The following DPF3 variants were observed in gnomAD, a reference collection of about 807,000 sequenced individuals.
DPF3 encodes zinc finger protein DPF3.
In DPF3, 18 loss-of-function variants were observed where a neutral mutation model predicts 56.8. That is an observed-to-expected ratio of 0.32 (90% CI 0.22 to 0.47). DPF3 has a LOEUF of 0.47. DPF3 is among the 20% of genes least tolerant of loss of function. DPF3 has a pLI of 1.00. For synonymous variants in DPF3, 188 were observed against 180.2 expected (o/e 1.04, Z -0.35); for missense variants, 403 against 488.8 (o/e 0.82, Z 1.65).
chr14:72,694,294 G>C (rs1447030738), intron 6 of DPF3, among the ~76,000 whole-genome samples: 1 of 145,592 alleles, frequency 6.9e-6, no homozygotes, highest in Non-Finnish European at 1.5e-5. Flanking sequence ...CCCAGCCTGG[G>C]TCCCCATCAG....
At chr14:72,754,558 G>A (rs995181641) in intron 2 of DPF3, among the ~76,000 whole-genome samples, 7 of 152,170 alleles carry the variant, frequency 4.6e-5, no homozygotes, top group Non-Finnish European at 8.8e-5. Flanking sequence ...GGCAGCTGTT[G>A]GACGCAGGCG....
intron 3 of DPF3, among the ~76,000 whole-genome samples, chr14:72,734,265 T>C (rs1165731575): frequency 2.0e-5 from 3 of 152,202 alleles, no homozygotes; most frequent in Admixed American, 6.5e-5. Context: ...TGAAAGAATA[T>C]AGGTAACGGG....
chr14:72,714,639 A>G, intron 5 of DPF3, 138 bp from the exon 6 acceptor site: 2 of 900,894 alleles, frequency 2.2e-6, no homozygotes, highest in South Asian at 1.7e-5. Context: ...AGGGGAGGAA[A>G]CTGAGGCCCA....
rs1011079013 is a variant in DPF3, at chr14:72,875,084, A to G, written c.32+18973T>C. Among the ~76,000 whole-genome samples the G allele has an allele frequency of 5.3e-5, 8 of 152,220 alleles. No homozygotes were observed. The South Asian group carries it at 1.7e-3, about 31-fold the overall frequency. Reference sequence around the variant, plus strand: ...CTGAAACCCCTGATAAACCCACCAGATCTTGTGAGACTTATTCACTATCAC... The same window carrying G: ...CTGAAACCCCTGATAAACCCACCAGGTCTTGTGAGACTTATTCACTATCAC... On this transcript the variant is annotated intron_variant, in intron 1 of 10. Transcript: ENST00000556509.
Position 72,699,350 on chromosome 14 carries a change from T to C in DPF3, c.605-6137A>G, listed in dbSNP as rs376552715. The stretch of plus-strand genomic sequence containing the variant: ...ATCTGGGCAACATAGCAAGGCCCCA[T>C]CTCTGCAAAAGACAATTCAAGATTA... On this transcript the variant is annotated intron_variant, in intron 6 of 10. Transcript: ENST00000556509. Among the ~76,000 whole-genome samples, 10 of 151,878 alleles carry C rather than the reference T, an allele frequency of 6.6e-5. No individual in the cohort carries two copies. The South Asian group carries it at 1.0e-3, about 16-fold the overall frequency.
chr14:72,789,142 T>C (rs1892327924), intron 1 of DPF3, among the ~76,000 whole-genome samples: 1 of 152,162 alleles, frequency 6.6e-6, no homozygotes, highest in Non-Finnish European at 1.5e-5. Context: ...CTGGAGAACA[T>C]GGGTACTGCA....
chr14:72,707,677 C>CGT (rs34662853), intron 6 of DPF3, among the ~76,000 whole-genome samples: 59,448 of 150,054 alleles, frequency 0.4, 12,434 homozygotes, highest in Non-Finnish European at 0.49. Flanking sequence ...CTTCTGTGTG[C>CGT]GTGTGTGTGT....
chr14:72,835,739 G>A lies in DPF3; in HGVS notation c.32+58318C>T, dbSNP rs1345764186. On this transcript the variant is annotated intron_variant, in intron 1 of 10. Coordinates refer to ENST00000556509, the MANE Select transcript of DPF3 (RefSeq NM_001280542.3). ...ACTCACTCTGTGCTCGGGCCGCCTCGCCCACTTGTAAAACCCCAAATGCCA... is the reference window on the plus strand; with the variant it reads ...ACTCACTCTGTGCTCGGGCCGCCTCACCCACTTGTAAAACCCCAAATGCCA... Among the ~76,000 whole-genome samples the A allele has an allele frequency of 3.9e-5, 6 of 152,140 alleles. No homozygotes were observed. In the South Asian group the frequency reaches 6.2e-4, roughly 16 times the overall value.
At chr14:72,623,395 T>C (rs2153566257) in intron 9 of DPF3, among the ~76,000 whole-genome samples, 1 of 152,308 alleles carries the variant, frequency 6.6e-6, no homozygotes, top group East Asian at 1.9e-4. Flanking sequence ...AGAGAGAAAC[T>C]ATTCCATCTG....
chr14:72,878,505 GT>G (rs1449406320), intron 1 of DPF3, among the ~76,000 whole-genome samples: 1 of 152,190 alleles, frequency 6.6e-6, no homozygotes, highest in African/African-American at 2.4e-5. Context: ...GACAGCAGAT[GT>G]TCACCAGAAC....
At chr14:72,869,885 T>C (rs1257846308) in intron 1 of DPF3, among the ~76,000 whole-genome samples, 3 of 152,068 alleles carry the variant, frequency 2.0e-5, no homozygotes, top group Non-Finnish European at 2.9e-5. Context: ...TGCTTTTTTT[T>C]CCCTAGAGAT....
At chr14:72,893,525 A>C (rs1307692678) in intron 1 of DPF3, among the ~76,000 whole-genome samples, 1 of 152,124 alleles carries the variant, frequency 6.6e-6, no homozygotes, top group African/African-American at 2.4e-5. Flanking sequence ...AGCGATCGGA[A>C]GGCGAAGAGC....
At chr14:72,792,942 A>C (rs1892501618) in intron 1 of DPF3, among the ~76,000 whole-genome samples, 3 of 152,092 alleles carry the variant, frequency 2.0e-5, no homozygotes, top group African/African-American at 7.2e-5. Context: ...AAAAAAAAAA[A>C]ACACTGCTGA....
intron 1 of DPF3, among the ~76,000 whole-genome samples, chr14:72,782,920 CA>C (rs778597581): frequency 2.0e-5 from 3 of 152,128 alleles, no homozygotes; most frequent in Non-Finnish European, 4.4e-5. Flanking sequence ...GAGCAAAATC[CA>C]AACTCCTTCC....
intron 1 of DPF3, among the ~76,000 whole-genome samples, chr14:72,874,584 G>C (rs1042134296): frequency 1.3e-5 from 2 of 152,128 alleles, no homozygotes; most frequent in African/African-American, 2.4e-5. Flanking sequence ...CTAGGGGAGG[G>C]GGCAAAATGC....
At chr14:72,861,723 GAGAAAGAAAGAAAGAGAAAGAA>G (rs1567261022) in intron 1 of DPF3, among the ~76,000 whole-genome samples, 2 of 71,772 alleles carry the variant, frequency 2.8e-5, no homozygotes, top group Admixed American at 1.7e-4. Flanking sequence ...AAGAAAGAGA[GAGAAAGAAAGAAAGAGAAAGAA>G]AGAAAGAAAG....
chr14:72,798,592 G>C (rs937784120), intron 1 of DPF3, among the ~76,000 whole-genome samples: 6 of 152,228 alleles, frequency 3.9e-5, no homozygotes, highest in Non-Finnish European at 8.8e-5. Context: ...TAGCTCCAGA[G>C]TTCCCATGGA....
At chr14:72,790,312 GA>G (rs1892376090) in intron 1 of DPF3, among the ~76,000 whole-genome samples, 1 of 152,144 alleles carries the variant, frequency 6.6e-6, no homozygotes, top group Non-Finnish European at 1.5e-5. Context: ...CTTCCTGGGA[GA>G]AAGACTGGTC....
chr14:72,726,923 T>G (rs1035021), intron 4 of DPF3, among the ~76,000 whole-genome samples: 42,779 of 152,026 alleles, frequency 0.28, 6,767 homozygotes, highest in East Asian at 0.42. Flanking sequence ...TTTCCCTCCT[T>G]CCATTGCTGG....
Sources: allele counts gnomAD v4.1 joint callset (sites outside exome capture counted in the v4.1 genomes callset), GRCh38; gene constraint gnomAD v4.1.1; transcripts MANE v1.5; gene names NCBI Gene and HGNC (gene_info 2026-07-23, HGNC 2026-07-21).